The following CCNI variants were observed in gnomAD, a reference collection of about 807,000 sequenced individuals.
CCNI encodes cyclin-I.
In CCNI, 14 loss-of-function variants were observed where a neutral mutation model predicts 34.1. That is an observed-to-expected ratio of 0.41 (90% CI 0.27 to 0.64). CCNI has a LOEUF of 0.64. Among genes scored for constraint, CCNI ranks in the 30% least tolerant of loss-of-function variants. CCNI has a pLI of 0.31. For synonymous variants in CCNI, 154 were observed against 158.4 expected (o/e 0.97, Z 0.21); for missense variants, 385 against 440.5 (o/e 0.87, Z 1.13).
intron 1 of CCNI, among the ~76,000 whole-genome samples, chr4:77,072,023 G>T (rs887731342): frequency 6.6e-6 from 1 of 152,100 alleles, no homozygotes; most frequent in African/African-American, 2.4e-5. Context: ...GTTGAAGCCA[G>T]TTATTACCCT....
intron 2 of CCNI, among the ~76,000 whole-genome samples, chr4:77,060,671 T>C (rs1560776908): frequency 2.6e-5 from 4 of 151,686 alleles, no homozygotes; most frequent in Admixed American, 2.6e-4. Flanking sequence ...TCACCCAGGC[T>C]GGAGTGCAGT....
chr4:77,061,044 C>G (rs1471733314), intron 2 of CCNI, among the ~76,000 whole-genome samples: 2 of 152,196 alleles, frequency 1.3e-5, no homozygotes, highest in Admixed American at 1.3e-4. Flanking sequence ...CAGGTGTAAG[C>G]CACTATGTTT....
intron 1 of CCNI, among the ~76,000 whole-genome samples, chr4:77,071,853 GAA>G (rs1199807511): frequency 6.6e-6 from 1 of 151,936 alleles, no homozygotes; most frequent in Non-Finnish European, 1.5e-5. Context: ...AAGAAAGAAA[GAA>G]AAAAGCTGAG....
chr4:77,072,408 G>C (rs917980521), intron 1 of CCNI, among the ~76,000 whole-genome samples: 1 of 133,286 alleles, frequency 7.5e-6, no homozygotes, highest in East Asian at 2.3e-4. Context: ...GAGGCCAGGA[G>C]TTTGAGACCA....
At chr4:77,061,212 C>CT (rs1728583677) in intron 2 of CCNI, among the ~76,000 whole-genome samples, 1 of 152,160 alleles carries the variant, frequency 6.6e-6, no homozygotes, top group Non-Finnish European at 1.5e-5. Flanking sequence ...AATACTGAGT[C>CT]TAAGGTCACT....
At chr4:77,059,630 G>A (rs1728468585) in intron 2 of CCNI, among the ~76,000 whole-genome samples, 1 of 151,678 alleles carries the variant, frequency 6.6e-6, no homozygotes. Context: ...TTTTTTAAAT[G>A]GGCTATCATT....
At chr4:77,058,144 C>T (rs985719827) in intron 3 of CCNI, among the ~76,000 whole-genome samples, 7 of 152,092 alleles carry the variant, frequency 4.6e-5, no homozygotes, top group African/African-American at 1.7e-4. Context: ...GACTTGACGT[C>T]GGGAGTTCAA....
In CCNI at chr4:77,075,627, G is replaced by A. The variant is rs1018390367; in HGVS notation, c.-199C>T. 5.5e-4 allele frequency: 524 copies of A among 955,874 alleles called. 2 individuals carry two copies. Among genetic ancestry groups the A allele is most frequent in the African/African-American group, 3.6e-3 (204 of 56,086 alleles). The allele number at this position is 955,874 out of a possible 1,614,324, so 59.2% of individuals were successfully genotyped here. A position where few individuals can be genotyped will look rare whatever the true frequency, so the allele number is the denominator to read the frequency against. On this transcript the variant is annotated 5_prime_UTR_variant, in exon 1 of 7. Transcript: ENST00000237654. ...ACTCGGCCAACTGAGGAGGGAGAAA[G>A]GGGAAGCGGATCGGGGGGCGCGGGC...
At chr4:77,051,194 C>G (rs891679949) in intron 6 of CCNI, among the ~76,000 whole-genome samples, 1 of 152,160 alleles carries the variant, frequency 6.6e-6, no homozygotes, top group African/African-American at 2.4e-5. Flanking sequence ...TTTCAATTCA[C>G]GGTTGGTTGA....
Position 77,048,290 on chromosome 4 carries a change from C to T in CCNI, c.1063G>A (p.Gly355Ser). The change falls in exon 7 of 7, where the codon GGC becomes AGC. Residue 355 changes from glycine to serine, a missense_variant. By Grantham distance (56) the Gly-to-Ser change is moderately conservative (BLOSUM62 0). Around this residue, in one of 2 missense-constraint regions of CCNI, gnomAD observed 250 missense variants for 248.7 expected, o/e 1.01. Transcript: ENST00000237654. ...CCCTCTTGTCTTGATAAATCAGTGC[C>T]ACACACAGAACCCACATTTTCTGAG... is the stretch of plus-strand genomic sequence containing the variant. ...NVSENVGSVC[G>S]TDLSRQEGHA... 6.2e-7 allele frequency: 1 copy of T among 1,614,100 alleles called. No homozygotes were observed. Among genetic ancestry groups the T allele is most frequent in the Non-Finnish European group, 8.5e-7 (1 of 1,180,018 alleles).
intron 1 of CCNI, among the ~76,000 whole-genome samples, chr4:77,073,346 C>T (rs1461648748): frequency 6.6e-6 from 1 of 152,174 alleles, no homozygotes; most frequent in African/African-American, 2.4e-5. Flanking sequence ...ACATACAGGG[C>T]CCCCTGCTCC....
chr4:77,070,474 CTTTTTT>C (rs543086530), intron 1 of CCNI, among the ~76,000 whole-genome samples: 2 of 119,168 alleles, frequency 1.7e-5, no homozygotes, highest in African/African-American at 3.1e-5. Flanking sequence ...TGGGTACTTT[CTTTTTT>C]TTTTTTTTTT....
At position 77,066,407 on chromosome 4, in the gene CCNI, T is replaced by A. The variant is rs1198495728; in HGVS notation, c.-43-2A>T. 6.2e-7 allele frequency: 1 copy of A among 1,607,326 alleles called. No homozygotes were observed. Among genetic ancestry groups the A allele is most frequent in the South Asian group, 1.1e-5 (1 of 90,156 alleles). ...TGCTACCCAGCTTGCTGTAGCTACC[T>A]ACAGAATCAAGTAAGTTTTAAAATT... On this transcript the variant is annotated splice_acceptor_variant, in intron 1 of 6. Coordinates refer to ENST00000237654, the MANE Select transcript of CCNI (RefSeq NM_006835.3). LOFTEE classifies it low-confidence loss of function (5UTR_SPLICE).
In CCNI at chr4:77,068,727, A is replaced by G. The variant is rs192063649; in HGVS notation, c.-43-2322T>C. 1.2e-4 allele frequency among the ~76,000 whole-genome samples: 18 copies of G among 152,326 alleles called. No homozygotes were observed. The East Asian group carries it at 2.7e-3, about 23-fold the overall frequency. On this transcript the variant is annotated intron_variant, in intron 1 of 6. Transcript: ENST00000237654. ...TTTAAATATCCAGAATTAACATGTA[A>G]AAAGTTCCAATTTTTTTAAAAATAA...
At position 77,049,557 on chromosome 4, in the gene CCNI, A is replaced by C. The variant is rs60377206; in HGVS notation, c.691-895T>G. On this transcript the variant is annotated intron_variant, in intron 6 of 6. Transcript: ENST00000237654. The stretch of plus-strand genomic sequence containing the variant: ...GCAGGACATGGTGGCAGATGCCTGT[A>C]ATCCCAGCTACTCAGGAGGCTGAGG... 3.3e-3 allele frequency among the ~76,000 whole-genome samples: 504 copies of C among 152,252 alleles called. 3 individuals are homozygous for C. The highest frequency in any genetic ancestry group is 0.012 in the African/African-American group (479 of 41,552).
intron 6 of CCNI, among the ~76,000 whole-genome samples, chr4:77,048,974 T>TTG (rs1553983697): frequency 6.9e-6 from 1 of 144,714 alleles, no homozygotes; most frequent in Non-Finnish European, 1.5e-5. Flanking sequence ...TTTTTTTTTT[T>TTG]TTTTTTTTTT....
At chr4:77,060,971 C>G (rs1728563506) in intron 2 of CCNI, among the ~76,000 whole-genome samples, 1 of 152,046 alleles carries the variant, frequency 6.6e-6, no homozygotes, top group African/African-American at 2.4e-5. Context: ...GTTACCCAGG[C>G]TGGTCTTCAA....
intron 1 of CCNI, chr4:77,075,266 T>C (rs896933348): frequency 6.6e-6 from 1 of 152,044 alleles, no homozygotes; most frequent in East Asian, 1.9e-4. Context: ...AGTGGGCAGG[T>C]GACGGGTCTG....
rs1297944713 is a variant in CCNI, at chr4:77,048,381, T to G, written c.972A>C (p.Lys324Asn). Residue 324 changes from lysine (K) to asparagine (N), a missense_variant, in exon 7 of 7, where the codon AAA becomes AAC. Lys to Asn is a moderately conservative substitution (Grantham distance 94). Transcript: ENST00000237654. ...AGTCATCCACTTCCATTTCCTCTAC[T>G]TTGCGTTTAGTAGAGGTCTGCTTGC... ...SGCKQTSTKRKVEEMEVDDFY... is the reference protein window; with the variant it reads ...SGCKQTSTKRNVEEMEVDDFY... 1 of 1,613,790 alleles carries G rather than the reference T, an allele frequency of 6.2e-7. No homozygotes were observed. The highest frequency in any genetic ancestry group is 1.1e-5 in the South Asian group (1 of 91,042).
Sources: gnomAD v4.1 joint callset for allele counts (sites outside exome capture counted in the v4.1 genomes callset) on GRCh38, gnomAD v4.1.1 for gene constraint, gnomAD v4.1.1 regional missense constraint, MANE v1.5 for transcripts, NCBI Gene and HGNC (gene_info 2026-07-23, HGNC 2026-07-21) for gene names.